The following KCNN2 variants were observed in gnomAD, a reference collection of about 807,000 sequenced individuals.
The protein encoded by KCNN2 is small conductance calcium-activated potassium channel protein 2.
KCNN2 carries 24 observed loss-of-function variants against 55.5 expected under a neutral mutation model. The observed-to-expected ratio is 0.43, with a 90% CI of 0.31 to 0.61. KCNN2 has a LOEUF of 0.61. Among genes scored for constraint, KCNN2 ranks in the 20% least tolerant of loss-of-function variants. The probability of loss-of-function intolerance (pLI) is 0.08; values close to 1 mark genes in which losing one functional copy is unlikely to be tolerated. For missense variants in KCNN2, 754 were observed against 853.6 expected (o/e 0.88, Z 1.45); for synonymous variants, 431 against 336.1 (o/e 1.28, Z -3.09).
At chr5:114,383,464 C>CTTTTTTTTTTTTTTTTTTTTTTTTT (rs66787954) in intron 2 of KCNN2, among the ~76,000 whole-genome samples, 1 of 102,696 alleles carries the variant, frequency 9.7e-6, no homozygotes, top group Non-Finnish European at 1.8e-5. Context: ...CCACTAAATG[C>CTTTTTTTTTTTTTTTTTTTTTTTTT]TTTTTTTTTT....
intron 2 of KCNN2, among the ~76,000 whole-genome samples, chr5:114,328,265 C>A (rs991204189): frequency 1.3e-5 from 2 of 152,044 alleles, no homozygotes; most frequent in African/African-American, 4.8e-5. Context: ...AGGACTCTAC[C>A]CTAGGTCATG....
chr5:114,265,940 C>A (rs1755201310), intron 2 of KCNN2, among the ~76,000 whole-genome samples: 1 of 152,096 alleles, frequency 6.6e-6, no homozygotes, highest in Non-Finnish European at 1.5e-5. Flanking sequence ...GCTGATCTCA[C>A]CATCAATAGC....
intron 1 of KCNN2, among the ~76,000 whole-genome samples, chr5:114,153,094 T>C (rs930362539): frequency 6.6e-6 from 1 of 152,136 alleles, no homozygotes; most frequent in Non-Finnish European, 1.5e-5. Flanking sequence ...CTGGACAGAA[T>C]GTGGTATCAT....
At chr5:114,385,555 A>ACACG (rs1554085085) in intron 2 of KCNN2, among the ~76,000 whole-genome samples, 8 of 150,770 alleles carry the variant, frequency 5.3e-5, no homozygotes, top group African/African-American at 1.9e-4. Flanking sequence ...ACACACACAC[A>ACACG]CATTATTGGA....
chr5:114,330,535 C>A (rs780263432), intron 2 of KCNN2, among the ~76,000 whole-genome samples: 3 of 152,016 alleles, frequency 2.0e-5, no homozygotes, highest in Non-Finnish European at 4.4e-5. Context: ...TTTGGGGGGG[C>A]TTATTTCCTG....
In KCNN2 at chr5:114,225,299, C is replaced by T. The variant is rs1292243839; in HGVS notation, c.-185+3734C>T. The stretch of plus-strand genomic sequence containing the variant: ...CTGATGAGTAGCAAGTCAAAGGTTT[C>T]TCCATTATGGAGACTAAGACAGATA... On this transcript the variant is annotated intron_variant, in intron 2 of 10. Coordinates refer to the KCNN2 transcript ENST00000512097. Among the ~76,000 whole-genome samples the T allele has an allele frequency of 3.3e-5, 5 of 152,212 alleles. No homozygotes were observed. In the East Asian group the frequency reaches 9.7e-4, roughly 29 times the overall value.
At chr5:114,293,777 C>T (rs1431948885) in intron 2 of KCNN2, among the ~76,000 whole-genome samples, 1 of 152,156 alleles carries the variant, frequency 6.6e-6, no homozygotes, top group Non-Finnish European at 1.5e-5. Flanking sequence ...GTACCAGTTC[C>T]TCCTTTTACC....
chr5:114,087,543 C>T (rs1426099293), intron 1 of KCNN2, among the ~76,000 whole-genome samples: 1 of 152,066 alleles, frequency 6.6e-6, no homozygotes, highest in Non-Finnish European at 1.5e-5. Flanking sequence ...TAGTCCTTTC[C>T]CCCCTCTTAT....
At chr5:114,138,620 A>T (rs1403020649) in intron 1 of KCNN2, among the ~76,000 whole-genome samples, 1 of 152,170 alleles carries the variant, frequency 6.6e-6, no homozygotes, top group Admixed American at 6.6e-5. Context: ...ACTGTTATTA[A>T]CTTGATCTAT....
intron 1 of KCNN2, among the ~76,000 whole-genome samples, chr5:114,179,903 T>C (rs1753206663): frequency 6.6e-6 from 1 of 152,228 alleles, no homozygotes; most frequent in Admixed American, 6.5e-5. Flanking sequence ...TTAAAATATT[T>C]AGAGAAATAA....
At chr5:114,469,415 T>TG (rs1761611726) in intron 4 of KCNN2, among the ~76,000 whole-genome samples, 1 of 152,194 alleles carries the variant, frequency 6.6e-6, no homozygotes, top group Non-Finnish European at 1.5e-5. Flanking sequence ...CCAAGCATCT[T>TG]GAAGTGACAG....
chr5:114,163,633 C>A (rs552217536), intron 1 of KCNN2, among the ~76,000 whole-genome samples: 1 of 151,972 alleles, frequency 6.6e-6, no homozygotes, highest in Non-Finnish European at 1.5e-5. Context: ...CTGTTGTTGC[C>A]CCTTTATGCA....
chr5:114,404,855 AG>A lies in KCNN2; in HGVS notation c.1637+1del. ...IAAWTVRACE[R>X]YHDQQDVTSN... The stretch of plus-strand genomic sequence containing the variant: ...CGCATGGACTGTCCGAGCTTGTGAA[AG>A]GTAAGTTTGTTTCTTTTCCTGAGAA... On this transcript the variant is annotated frameshift_variant and splice_region_variant, in exon 3 of 8. Transcript: ENST00000673685. LOFTEE classifies it high-confidence loss of function. The A allele has an allele frequency of 6.2e-7, 1 of 1,601,192 alleles. No homozygotes were observed. The highest frequency in any genetic ancestry group is 8.5e-7 in the Non-Finnish European group (1 of 1,171,764).
chr5:114,145,329 C>G (rs1161415595), intron 1 of KCNN2, among the ~76,000 whole-genome samples: 1 of 152,202 alleles, frequency 6.6e-6, no homozygotes, highest in African/African-American at 2.4e-5. Context: ...TCCTTCTGAA[C>G]TAACACAATC....
At chr5:114,315,026 G>A (rs79699052) in intron 2 of KCNN2, among the ~76,000 whole-genome samples, 15 of 152,202 alleles carry the variant, frequency 9.9e-5, no homozygotes. Context: ...TGATTCATAG[G>A]CTACTAAATC....
intron 1 of KCNN2, among the ~76,000 whole-genome samples, chr5:114,148,463 C>G (rs562163937): frequency 6.6e-6 from 1 of 152,230 alleles, no homozygotes; most frequent in African/African-American, 2.4e-5. Flanking sequence ...TTGGCCACTG[C>G]TCTACCCAAA....
chr5:114,120,046 G>A (rs1231173502), intron 1 of KCNN2, among the ~76,000 whole-genome samples: 1 of 152,132 alleles, frequency 6.6e-6, no homozygotes, highest in East Asian at 1.9e-4. Flanking sequence ...CTATGCCAGG[G>A]AAGGTCAACA....
chr5:114,395,777 C>G (rs1214116794), intron 2 of KCNN2, among the ~76,000 whole-genome samples: 1 of 152,118 alleles, frequency 6.6e-6, no homozygotes, highest in East Asian at 1.9e-4. Flanking sequence ...TCTCCTAGGA[C>G]AGTTCTTTCC....
chr5:114,167,999 T>A (rs1184469874), intron 1 of KCNN2, among the ~76,000 whole-genome samples: 2 of 152,156 alleles, frequency 1.3e-5, no homozygotes, highest in South Asian at 2.1e-4. Flanking sequence ...TCAGTTGCTG[T>A]TTACTTTTTA....
Sources: gnomAD v4.1 joint callset for allele counts (sites outside exome capture counted in the v4.1 genomes callset) on GRCh38, gnomAD v4.1.1 for gene constraint, MANE v1.5 for transcripts, NCBI Gene and HGNC (gene_info 2026-07-23, HGNC 2026-07-21) for gene names.